NSMCE2: variants seen among roughly 807,000 people sequenced by gnomAD.
The protein encoded by NSMCE2 is NSE2 SUMO ligase component of SMC5/6 complex, also known as E3 SUMO-protein ligase NSE2.
NSMCE2 carries 24 observed loss-of-function variants against 23.8 expected under a neutral mutation model. The ratio of observed to expected loss-of-function variants is 1.01; its 90% confidence interval spans 0.73 to 1.42. The LOEUF is 1.42. NSMCE2 is among the 40% of genes most tolerant of loss of function. The pLI is 0.00. For missense variants in NSMCE2, 284 were observed against 296.5 expected (o/e 0.96, Z 0.31); for synonymous variants, 92 against 94.1 (o/e 0.98, Z 0.13).
intron 5 of NSMCE2, among the ~76,000 whole-genome samples, chr8:125,345,072 A>G (rs962309888): frequency 6.0e-5 from 9 of 150,626 alleles, no homozygotes; most frequent in Non-Finnish European, 1.2e-4. Context: ...GCCGATTACT[A>G]CTGTACTTCT....
chr8:125,105,809 C>T (rs1057146000), intron 3 of NSMCE2, among the ~76,000 whole-genome samples: 3 of 152,002 alleles, frequency 2.0e-5, no homozygotes, highest in East Asian at 1.9e-4. Context: ...GCTTTAGTGC[C>T]GCAGATTGTC....
intron 5 of NSMCE2, among the ~76,000 whole-genome samples, chr8:125,183,301 ATAACT>A (rs770567443): frequency 1.3e-5 from 2 of 152,236 alleles, no homozygotes; most frequent in African/African-American, 4.8e-5. Context: ...TATTTTACAA[ATAACT>A]TAAGTTTCAC....
intron 3 of NSMCE2, among the ~76,000 whole-genome samples, chr8:125,108,707 G>C (rs949391669): frequency 6.6e-6 from 1 of 152,200 alleles, no homozygotes; most frequent in African/African-American, 2.4e-5. Context: ...GATGTGAAGA[G>C]GGTAAGAAAG....
chr8:125,260,737 G>A lies in NSMCE2; in HGVS notation c.418+78481G>A, dbSNP rs1319745092. Among the ~76,000 whole-genome samples, 3 of 151,754 alleles carry A rather than the reference G, an allele frequency of 2.0e-5. No individual in the cohort carries two copies. The East Asian group carries it at 5.8e-4, about 29-fold the overall frequency. On this transcript the variant is annotated intron_variant, in intron 5 of 7. Coordinates refer to ENST00000287437, the MANE Select transcript of NSMCE2 (RefSeq NM_173685.4). ...CCTCCCAGGTTCAAGTGATTCTCAT[G>A]CCTTAGCCTCCCGAGTAGCTGGGAT...
At chr8:125,262,149 G>A (rs1826720684) in intron 5 of NSMCE2, among the ~76,000 whole-genome samples, 1 of 150,954 alleles carries the variant, frequency 6.6e-6, no homozygotes, top group Non-Finnish European at 1.5e-5. Context: ...GTATAGGCCG[G>A]GTGCGATGGC....
chr8:125,164,668 A>G (rs138583104), intron 4 of NSMCE2, among the ~76,000 whole-genome samples: 1 of 152,312 alleles, frequency 6.6e-6, no homozygotes, highest in African/African-American at 2.4e-5. Flanking sequence ...AGTATTATTT[A>G]CTTCTTTAAA....
At chr8:125,265,842 A>G (rs773849049) in intron 5 of NSMCE2, among the ~76,000 whole-genome samples, 1 of 152,132 alleles carries the variant, frequency 6.6e-6, no homozygotes, top group Non-Finnish European at 1.5e-5. Flanking sequence ...TCAGACTTGT[A>G]GGCCCCATTA....
rs114009835 is a variant in NSMCE2, at chr8:125,273,202, G to A, written c.419-84017G>A. Among the ~76,000 whole-genome samples, 213 of 152,274 alleles carry A rather than the reference G, an allele frequency of 1.4e-3. 1 individual carries two copies. The highest frequency in any genetic ancestry group is 4.9e-3 in the African/African-American group (204 of 41,552). On this transcript the variant is annotated intron_variant, in intron 5 of 7. Transcript: ENST00000287437. Reference sequence around the variant, plus strand: ...TGAGGTGTTACAGCCTATTAAAGACGCCAGTGAGACATTTTGGTATTGAGT... The same window carrying A: ...TGAGGTGTTACAGCCTATTAAAGACACCAGTGAGACATTTTGGTATTGAGT...
At chr8:125,134,767 G>T (rs1381155902) in intron 3 of NSMCE2, among the ~76,000 whole-genome samples, 1 of 133,020 alleles carries the variant, frequency 7.5e-6, no homozygotes, top group Non-Finnish European at 1.5e-5. Context: ...TTGCTCTGTT[G>T]CTCAGGCTGG....
At chr8:125,167,726 GAA>G (rs1375855478) in intron 4 of NSMCE2, among the ~76,000 whole-genome samples, 1 of 151,598 alleles carries the variant, frequency 6.6e-6, no homozygotes, top group African/African-American at 2.4e-5. Flanking sequence ...GACTTGGGGG[GAA>G]AAATCAGTGG....
At chr8:125,179,305 T>C (rs1334032833) in intron 4 of NSMCE2, among the ~76,000 whole-genome samples, 2 of 152,144 alleles carry the variant, frequency 1.3e-5, no homozygotes, top group Non-Finnish European at 2.9e-5. Context: ...GCCACTGTAC[T>C]CCAGCTGGGT....
chr8:125,335,044 C>T (rs1489257363), intron 5 of NSMCE2, among the ~76,000 whole-genome samples: 2 of 152,046 alleles, frequency 1.3e-5, no homozygotes, highest in East Asian at 3.9e-4. Flanking sequence ...GCGTGAGCCG[C>T]AGTACCTGAC....
chr8:125,359,613 A>G (rs1586819515), intron 7 of NSMCE2, among the ~76,000 whole-genome samples: 1 of 152,286 alleles, frequency 6.6e-6, no homozygotes, highest in East Asian at 1.9e-4. Context: ...GATTACAGGC[A>G]TGAGCCATCG....
At chr8:125,218,352 A>G (rs1212497589) in intron 5 of NSMCE2, among the ~76,000 whole-genome samples, 1 of 152,088 alleles carries the variant, frequency 6.6e-6, no homozygotes, top group Non-Finnish European at 1.5e-5. Flanking sequence ...TCACTGTGCT[A>G]TTCAAATATA....
chr8:125,321,539 A>G (rs1265828284), intron 5 of NSMCE2, among the ~76,000 whole-genome samples: 1 of 152,236 alleles, frequency 6.6e-6, no homozygotes, highest in African/African-American at 2.4e-5. Context: ...AACATTCTAC[A>G]AGGCTAGCAT....
chr8:125,355,696 T>C (rs1813234510), intron 5 of NSMCE2, among the ~76,000 whole-genome samples: 1 of 97,204 alleles, frequency 1.0e-5, no homozygotes, highest in South Asian at 3.8e-4. Context: ...CGAGACTCCA[T>C]CTCAAAAAAA....
At chr8:125,095,003 C>T (rs1472510562) in intron 1 of NSMCE2, among the ~76,000 whole-genome samples, 1 of 152,180 alleles carries the variant, frequency 6.6e-6, no homozygotes, top group Non-Finnish European at 1.5e-5. Flanking sequence ...AGGCCCGCAC[C>T]ACCACATCCA....
chr8:125,167,133 G>C (rs906518837), intron 4 of NSMCE2, among the ~76,000 whole-genome samples: 1 of 152,184 alleles, frequency 6.6e-6, no homozygotes, highest in African/African-American at 2.4e-5. Context: ...GCCTTTAGTA[G>C]CTAACTGTTT....
rs533255035 is a variant in NSMCE2 at position 125,233,312 on chromosome 8, A to AT, written c.418+51061dup. ...TTTTAAAGCACGGTAAATCAGAACC[A>AT]TTTTTGTGATTAATTTTTATTGATC... On this transcript the variant is annotated intron_variant, in intron 5 of 7. Transcript: ENST00000287437. 1.7e-4 allele frequency among the ~76,000 whole-genome samples: 26 copies of AT among 152,296 alleles called. No homozygotes were observed. In the South Asian group the frequency reaches 2.3e-3, roughly 13 times the overall value.
Sources: allele counts gnomAD v4.1 joint callset (sites outside exome capture counted in the v4.1 genomes callset), GRCh38; gene constraint gnomAD v4.1.1; transcripts MANE v1.5; gene names NCBI Gene and HGNC (gene_info 2026-07-23, HGNC 2026-07-21).